The following ZYG11B variants were observed in gnomAD, a reference collection of about 807,000 sequenced individuals.
ZYG11B encodes protein zyg-11 homolog B.
A neutral mutation model predicts 82.4 loss-of-function variants in ZYG11B; 36 were observed. The ratio of observed to expected loss-of-function variants is 0.44; its 90% confidence interval spans 0.33 to 0.58. The LOEUF is 0.58. Ranked by LOEUF, ZYG11B falls within the 20% of genes least tolerant of loss-of-function variation. The pLI, the probability that ZYG11B is intolerant of heterozygous loss-of-function variation, is 0.02. For synonymous variants in ZYG11B, 303 were observed against 312.8 expected (o/e 0.97, Z 0.33); for missense variants, 552 against 895.6 (o/e 0.62, Z 4.90).
chr1:52,809,971 T>C (rs567279419), intron 10 of ZYG11B, among the ~76,000 whole-genome samples: 4 of 152,324 alleles, frequency 2.6e-5, no homozygotes, highest in East Asian at 1.9e-4. Flanking sequence ...TGGTAGTTTT[T>C]GATTGAATGC....
intron 2 of ZYG11B, among the ~76,000 whole-genome samples, chr1:52,762,406 A>G (rs776955695): frequency 6.6e-6 from 1 of 151,820 alleles, no homozygotes; most frequent in Non-Finnish European, 1.5e-5. Context: ...GCAGGGCCTT[A>G]CCATGGTTCC....
chr1:52,819,617 C>G (rs886728259), intron 13 of ZYG11B, among the ~76,000 whole-genome samples: 2 of 151,838 alleles, frequency 1.3e-5, no homozygotes, highest in Non-Finnish European at 2.9e-5. Context: ...GAAACCCCAT[C>G]TCTACTAAAA....
intron 2 of ZYG11B, among the ~76,000 whole-genome samples, chr1:52,763,960 A>G (rs1644658578): frequency 6.6e-6 from 1 of 152,172 alleles, no homozygotes; most frequent in South Asian, 2.1e-4. Flanking sequence ...CTAGCACCCC[A>G]CTTATTTGTA....
Position 52,803,105 on chromosome 1 carries a change from TATATATATATATACACAC to T in ZYG11B, c.1695+978_1695+995del, listed in dbSNP as rs1645094923. On this transcript the variant is annotated intron_variant, in intron 10 of 13. Coordinates refer to ENST00000294353, the MANE Select transcript of ZYG11B (RefSeq NM_024646.3). ...ATATACACATATATATATACATATATATATATATATATACACACATATATATATACACACATATATATA... is the reference window on the plus strand; with the variant it reads ...ATATACACATATATATATACATATATATATATATATACACACATATATATA... Among the ~76,000 whole-genome samples, 31 of 90,060 alleles carry T rather than the reference TATATATATATATACACAC, an allele frequency of 3.4e-4. 3 individuals are homozygous for T. In the South Asian group the frequency reaches 8.7e-3, roughly 25 times the overall value. 59.1% of individuals were successfully genotyped at this position (90,060 alleles called of 152,430 possible).
intron 5 of ZYG11B, among the ~76,000 whole-genome samples, chr1:52,786,773 CT>C (rs1644916437): frequency 6.6e-6 from 1 of 151,646 alleles, no homozygotes; most frequent in African/African-American, 2.4e-5. Flanking sequence ...AGAGCAAGAC[CT>C]TGTCTCAAAA....
chr1:52,797,413 ATATAT>A (rs1290482942), intron 8 of ZYG11B, among the ~76,000 whole-genome samples: 1 of 107,996 alleles, frequency 9.3e-6, no homozygotes, highest in Non-Finnish European at 1.6e-5. Flanking sequence ...AATATATATC[ATATAT>A]TATACATATT....
chr1:52,735,536 TC>T (rs901109916), intron 1 of ZYG11B, among the ~76,000 whole-genome samples: 1 of 151,814 alleles, frequency 6.6e-6, no homozygotes, highest in Non-Finnish European at 1.5e-5. Flanking sequence ...CTCTTCCTAC[TC>T]AGAATTTTTT....
intron 1 of ZYG11B, among the ~76,000 whole-genome samples, chr1:52,732,481 C>T (rs1397762804): frequency 3.3e-5 from 5 of 152,076 alleles, no homozygotes; most frequent in Admixed American, 1.3e-4. Context: ...ATAATTTGGC[C>T]GGGTGTGGTG....
intron 10 of ZYG11B, 99 bp downstream of exon 10, chr1:52,802,238 C>A: frequency 8.8e-7 from 1 of 1,136,600 alleles, no homozygotes; most frequent in South Asian, 1.5e-5. Flanking sequence ...AGTATCATAG[C>A]CCCTTATCTA....
intron 8 of ZYG11B, among the ~76,000 whole-genome samples, chr1:52,797,162 A>G: frequency 1.4e-5 from 1 of 73,812 alleles, no homozygotes; most frequent in South Asian, 3.7e-4. Flanking sequence ...ATATTTATAT[A>G]TTATATATTA....
At chr1:52,786,405 A>G (rs776494068) in intron 5 of ZYG11B, among the ~76,000 whole-genome samples, 3 of 152,202 alleles carry the variant, frequency 2.0e-5, no homozygotes, top group Non-Finnish European at 4.4e-5. Flanking sequence ...GGTGAATCGT[A>G]TGGTACATGA....
intron 10 of ZYG11B, among the ~76,000 whole-genome samples, chr1:52,802,668 T>A (rs1274094754): frequency 6.6e-6 from 1 of 151,254 alleles, no homozygotes; most frequent in East Asian, 1.9e-4. Context: ...TTTTGACAAT[T>A]TCTAGGCGAA....
intron 12 of ZYG11B, among the ~76,000 whole-genome samples, chr1:52,815,271 G>A (rs1645213767): frequency 6.6e-6 from 1 of 152,176 alleles, no homozygotes; most frequent in South Asian, 2.1e-4. Context: ...AGAGACTGAG[G>A]TGGTAGTATC....
intron 2 of ZYG11B, among the ~76,000 whole-genome samples, chr1:52,758,308 T>C (rs1386441420): frequency 1.3e-5 from 2 of 151,638 alleles, no homozygotes; most frequent in African/African-American, 2.4e-5. Context: ...AATTTGCCAA[T>C]AATAATAGCT....
At chr1:52,767,592 TA>T (rs1256491381) in intron 2 of ZYG11B, among the ~76,000 whole-genome samples, 1 of 152,158 alleles carries the variant, frequency 6.6e-6, no homozygotes, top group African/African-American at 2.4e-5. Context: ...TGTGAGCCAC[TA>T]TGCCCAGCCA....
intron 1 of ZYG11B, among the ~76,000 whole-genome samples, chr1:52,747,578 CTT>C (rs936308963): frequency 3.9e-4 from 58 of 150,186 alleles, no homozygotes; most frequent in African/African-American, 1.3e-3. Flanking sequence ...TGAACTCACT[CTT>C]TTTTTTTTCT....
At chr1:52,762,978 G>GC (rs370620882) in intron 2 of ZYG11B, among the ~76,000 whole-genome samples, 2,462 of 114,422 alleles carry the variant, frequency 0.022, 130 homozygotes, top group African/African-American at 0.096. Flanking sequence ...TGAGAGATTG[G>GC]GGGGGGGGGG....
In ZYG11B at chr1:52,776,602, A is replaced by G. The variant is rs570743734; in HGVS notation, c.952-3251A>G. 9.9e-5 allele frequency among the ~76,000 whole-genome samples: 15 copies of G among 151,974 alleles called. No homozygotes were observed. In the South Asian group the frequency reaches 3.1e-3, roughly 32 times the overall value. On this transcript the variant is annotated intron_variant, in intron 3 of 13. Coordinates refer to ENST00000294353, the MANE Select transcript of ZYG11B (RefSeq NM_024646.3). ...AGTAACAAGAGTTCTTTAATTTTATATTCAAGGTAACTTGAGGATATATTT... is the reference window on the plus strand; with the variant it reads ...AGTAACAAGAGTTCTTTAATTTTATGTTCAAGGTAACTTGAGGATATATTT...
At chr1:52,795,100 A>G (rs1351430255) in intron 6 of ZYG11B, among the ~76,000 whole-genome samples, 1 of 152,120 alleles carries the variant, frequency 6.6e-6, no homozygotes, top group Non-Finnish European at 1.5e-5. Context: ...CTCATGTTAA[A>G]TTGTAATCAC....
Sources: allele counts gnomAD v4.1 joint callset (sites outside exome capture counted in the v4.1 genomes callset), GRCh38; gene constraint gnomAD v4.1.1; transcripts MANE v1.5; gene names NCBI Gene and HGNC (gene_info 2026-07-23, HGNC 2026-07-21).